Variants in PLXNA4 observed in about 807,000 individuals in gnomAD.
The protein encoded by PLXNA4 is plexin-A4.
In PLXNA4, 44 loss-of-function variants were observed where a neutral mutation model predicts 191.8. The observed-to-expected ratio is 0.23, with a 90% CI of 0.18 to 0.29. The LOEUF (loss-of-function observed/expected upper bound fraction) is 0.29. Among genes scored for constraint, PLXNA4 ranks in the 10% least tolerant of loss-of-function variants. PLXNA4 has a pLI of 1.00. For missense variants in PLXNA4, 1,800 were observed against 2,488.8 expected, an observed-to-expected ratio of 0.72 and a Z score of 5.89; for synonymous variants, 1,082 against 1,009.5, an observed-to-expected ratio of 1.07 and a Z score of -1.36.
chr7:132,173,730 G>C (rs976937832), intron 21 of PLXNA4, among the ~76,000 whole-genome samples: 30 of 152,166 alleles, frequency 2.0e-4, no homozygotes, highest in African/African-American at 7.2e-4. Context: ...CCCGAGTGAT[G>C]GGTCTGTTTT....
At chr7:132,285,195 A>G (rs1800639032) in intron 4 of PLXNA4, among the ~76,000 whole-genome samples, 1 of 152,222 alleles carries the variant, frequency 6.6e-6, no homozygotes, top group East Asian at 1.9e-4. Flanking sequence ...GGGCACTAGG[A>G]TATTCCCATT....
chr7:132,394,746 C>T (rs1793677341), intron 3 of PLXNA4, among the ~76,000 whole-genome samples: 1 of 152,232 alleles, frequency 6.6e-6, no homozygotes, highest in African/African-American at 2.4e-5. Flanking sequence ...AGAACCTTTC[C>T]CCACTTTTTC....
At chr7:132,252,266 A>G (rs1430206559) in intron 4 of PLXNA4, among the ~76,000 whole-genome samples, 1 of 151,460 alleles carries the variant, frequency 6.6e-6, no homozygotes, top group Non-Finnish European at 1.5e-5. Context: ...TCAAATATGA[A>G]AGGACAATTG....
rs762756762 is a variant in PLXNA4 at position 132,508,669 on chromosome 7, T to A, written c.25A>T (p.Thr9Ser). ...ATGAGGAGGTGGGAGAGAAGGCAGGTCCAGTTCCAGGGCATGGCTTTCATG... is the reference window on the plus strand; with the variant it reads ...ATGAGGAGGTGGGAGAGAAGGCAGGACCAGTTCCAGGGCATGGCTTTCATG... The part of the protein sequence containing the change: MKAMPWNW[T>S]CLLSHLLMVG... The change falls in exon 2 of 32, where the codon ACC becomes TCC. Residue 9 changes from threonine to serine, a missense_variant. Transcript: ENST00000321063. The surrounding 1 kb of genome is among the most constrained non-coding windows in gnomAD (Gnocchi z 4.4). 9 of 1,547,576 alleles carry A rather than the reference T, an allele frequency of 5.8e-6. No homozygotes were observed. In the East Asian group the frequency reaches 1.9e-4, roughly 32 times the overall value.
In PLXNA4 at chr7:132,540,893, G is replaced by A. The variant is rs79660214; in HGVS notation, c.-86-32114C>T. Reference sequence around the variant, plus strand: ...TGAGCCACCGCGCCCGGCCTGGACCGTTCTTAAAAACTTTGTGCTATTTAT... The same window carrying A: ...TGAGCCACCGCGCCCGGCCTGGACCATTCTTAAAAACTTTGTGCTATTTAT... On this transcript the variant is annotated intron_variant, in intron 1 of 31. Transcript: ENST00000321063. Among the ~76,000 whole-genome samples, 11 of 151,746 alleles carry A rather than the reference G, an allele frequency of 7.2e-5. No individual in the cohort carries two copies. In the East Asian group the frequency reaches 1.2e-3, roughly 16 times the overall value.
intron 3 of PLXNA4, among the ~76,000 whole-genome samples, chr7:132,351,905 T>C (rs1025115431): frequency 8.5e-5 from 13 of 152,126 alleles, no homozygotes; most frequent in Non-Finnish European, 1.2e-4. Flanking sequence ...CAGAGACCAG[T>C]TGGAAAATAA....
chr7:132,586,211 A>G (rs1283121901), intron 2 of PLXNA4, among the ~76,000 whole-genome samples: 1 of 152,224 alleles, frequency 6.6e-6, no homozygotes, highest in African/African-American at 2.4e-5. Context: ...GACTAATCCT[A>G]TTCAACACAT....
chr7:132,205,080 G>A lies in PLXNA4; in HGVS notation c.2299-1661C>T, dbSNP rs1797570638. Among the ~76,000 whole-genome samples the A allele has an allele frequency of 3.3e-5, 5 of 152,224 alleles. 1 individual carries two copies. In the South Asian group the frequency reaches 1.0e-3, roughly 32 times the overall value. On this transcript the variant is annotated intron_variant, in intron 10 of 31. Coordinates refer to ENST00000321063, the MANE Select transcript of PLXNA4 (RefSeq NM_020911.2). ...CACCCGGGCCAAGGCCAGGGTCCGA[G>A]CTCACAGAGTAAAGCAAAGTTTCCT... is the stretch of plus-strand genomic sequence containing the variant.
intron 3 of PLXNA4, among the ~76,000 whole-genome samples, chr7:132,308,739 G>GACA (rs1801618122): frequency 6.6e-6 from 1 of 152,148 alleles, no homozygotes; most frequent in Non-Finnish European, 1.5e-5. Context: ...GTGCAAGTAT[G>GACA]ATAATGTCCC....
chr7:132,288,205 A>G (rs1800754937), intron 4 of PLXNA4, among the ~76,000 whole-genome samples: 1 of 152,166 alleles, frequency 6.6e-6, no homozygotes, highest in Admixed American at 6.5e-5. Flanking sequence ...CTGATCACAA[A>G]GTGCAGTAGG....
chr7:132,431,572 A>G (rs1206112008), intron 3 of PLXNA4, among the ~76,000 whole-genome samples: 2 of 152,194 alleles, frequency 1.3e-5, no homozygotes, highest in South Asian at 2.1e-4. Flanking sequence ...TTCTTAGAAC[A>G]CAGGAGTGTC....
chr7:132,437,610 C>A (rs1352504509), intron 3 of PLXNA4, among the ~76,000 whole-genome samples: 1 of 151,504 alleles, frequency 6.6e-6, no homozygotes, highest in Admixed American at 6.6e-5. Context: ...AGCCCTGTAC[C>A]CTCCGCACCA....
At chr7:132,315,424 G>T (rs1470576237) in intron 3 of PLXNA4, among the ~76,000 whole-genome samples, 1 of 152,150 alleles carries the variant, frequency 6.6e-6, no homozygotes, top group Non-Finnish European at 1.5e-5. Flanking sequence ...ACATAGTAAG[G>T]ACACAATAAA....
chr7:132,464,411 G>C (rs1414063870), intron 3 of PLXNA4, among the ~76,000 whole-genome samples: 1 of 152,150 alleles, frequency 6.6e-6, no homozygotes, highest in Non-Finnish European at 1.5e-5. Flanking sequence ...AGAGTTGATT[G>C]CTGGGTCTCC....
intron 2 of PLXNA4, among the ~76,000 whole-genome samples, chr7:132,501,909 G>A (rs1410423888): frequency 6.6e-6 from 1 of 152,254 alleles, no homozygotes; most frequent in Non-Finnish European, 1.5e-5. Context: ...TATGGCAAGT[G>A]TAGTGGAGAT....
intron 3 of PLXNA4, among the ~76,000 whole-genome samples, chr7:132,474,204 T>TCC: frequency 7.8e-6 from 1 of 127,970 alleles, no homozygotes; most frequent in African/African-American, 3.3e-5. Flanking sequence ...CAAGATCAGA[T>TCC]CTCTCTGTCT....
chr7:132,564,130 C>T (rs146288978), intron 1 of PLXNA4, among the ~76,000 whole-genome samples: 69,452 of 70,150 alleles, frequency 0.99, 34,381 homozygotes, highest in Admixed American at 0.99. Flanking sequence ...CTTCTTTCTC[C>T]TCCTCCTTCT....
At chr7:132,597,548 A>T (rs1448044978) in intron 2 of PLXNA4, among the ~76,000 whole-genome samples, 1 of 151,834 alleles carries the variant, frequency 6.6e-6, no homozygotes, top group Admixed American at 6.6e-5. Context: ...TTCATGACAC[A>T]TTCAATCATG....
At chr7:132,145,560 C>G (rs1795395505) in intron 28 of PLXNA4, 2 of 459,554 alleles carry the variant, frequency 4.4e-6, no homozygotes. Flanking sequence ...TGGTTGAACA[C>G]CCTCTGGCGG....
Sources: allele counts gnomAD v4.1 joint callset (sites outside exome capture counted in the v4.1 genomes callset), GRCh38; gene constraint gnomAD v4.1.1; non-coding constraint Gnocchi (gnomAD v3.1); transcripts MANE v1.5; gene names NCBI Gene and HGNC (gene_info 2026-07-23, HGNC 2026-07-21).